The following CPNE5 variants were observed in gnomAD, a reference collection of about 807,000 sequenced individuals.
CPNE5 encodes the protein copine-5.
CPNE5 carries 42 observed loss-of-function variants against 81.1 expected under a neutral mutation model. The observed-to-expected ratio is 0.52, with a 90% confidence interval of 0.40 to 0.67. The LOEUF (loss-of-function observed/expected upper bound fraction) is 0.67, where lower values mean the gene tolerates loss of function less well. Ranked by LOEUF, CPNE5 falls within the 30% of genes least tolerant of loss-of-function variation. The pLI, the probability that CPNE5 is intolerant of heterozygous loss-of-function variation, is 0.00. For synonymous variants in CPNE5, 313 were observed against 321.5 expected (o/e 0.97, Z 0.28); for missense variants, 612 against 815.5 (o/e 0.75, Z 3.04).
At chr6:36,800,840 G>T (rs1272897303) in intron 3 of CPNE5, among the ~76,000 whole-genome samples, 2 of 152,252 alleles carry the variant, frequency 1.3e-5, no homozygotes, top group Non-Finnish European at 2.9e-5. Flanking sequence ...GGCAAGGAAA[G>T]GATGAGGCCC....
At chr6:36,827,890 A>T (rs1249920168) in intron 1 of CPNE5, 3 of 309,846 alleles carry the variant, frequency 9.7e-6, no homozygotes, top group African/African-American at 6.8e-5. Context: ...TTTTTCTAAA[A>T]GAGCATACAA....
intron 10 of CPNE5, among the ~76,000 whole-genome samples, chr6:36,771,986 T>G (rs111737090): frequency 0.027 from 4,168 of 151,716 alleles, 180 homozygotes; most frequent in African/African-American, 0.092. Context: ...TGCCTCAGAG[T>G]GGGAGGTGGG....
chr6:36,754,497 G>A (rs1272914272), intron 13 of CPNE5: 3 of 152,250 alleles, frequency 2.0e-5, no homozygotes, highest in Admixed American at 2.0e-4. Context: ...AGTAAGGGAT[G>A]AAAAGCACTA....
At chr6:36,830,360 A>G (rs1021536866) in intron 1 of CPNE5, among the ~76,000 whole-genome samples, 2 of 152,130 alleles carry the variant, frequency 1.3e-5, no homozygotes, top group African/African-American at 4.8e-5. Context: ...AGGGTTTCCC[A>G]TGTCCTCCTG....
At chr6:36,816,108 T>C (rs1771524301) in intron 3 of CPNE5, among the ~76,000 whole-genome samples, 1 of 152,202 alleles carries the variant, frequency 6.6e-6, no homozygotes, top group South Asian at 2.1e-4. Context: ...CCCCATTTTA[T>C]AGATTAGTAA....
At chr6:36,787,238 TG>T in intron 8 of CPNE5, among the ~76,000 whole-genome samples, 1 of 152,290 alleles carries the variant, frequency 6.6e-6, no homozygotes, top group East Asian at 1.9e-4. Context: ...GGCCTCTCCC[TG>T]AAGCTTATCT....
At chr6:36,825,954 G>A (rs1381392249) in intron 1 of CPNE5, among the ~76,000 whole-genome samples, 2 of 152,158 alleles carry the variant, frequency 1.3e-5, no homozygotes, top group African/African-American at 4.8e-5. Context: ...TGTTCAAGCT[G>A]GAGAGGACCT....
chr6:36,787,220 G>A (rs978996813), intron 8 of CPNE5, among the ~76,000 whole-genome samples: 1 of 152,064 alleles, frequency 6.6e-6, no homozygotes, highest in Non-Finnish European at 1.5e-5. Flanking sequence ...CTTTCAGGTA[G>A]AGAAACTGGC....
intron 5 of CPNE5, 94 bp downstream of exon 5, chr6:36,798,361 G>T: frequency 1.3e-6 from 2 of 1,510,192 alleles, no homozygotes; most frequent in Non-Finnish European, 1.8e-6. Flanking sequence ...CGCAGCGTCG[G>T]ACACACATTC....
intron 3 of CPNE5, among the ~76,000 whole-genome samples, chr6:36,817,064 G>A (rs1456147649): frequency 6.6e-6 from 1 of 152,156 alleles, no homozygotes; most frequent in African/African-American, 2.4e-5. Flanking sequence ...AGTGGCTCAC[G>A]CCTATAATCC....
chr6:36,752,916 C>T (rs1176070634), intron 14 of CPNE5, 118 bp downstream of exon 14: 9 of 788,120 alleles, frequency 1.1e-5, no homozygotes, highest in Non-Finnish European at 1.9e-5. Context: ...GAGCCCAGCA[C>T]CACAGCCTTC....
chr6:36,807,661 T>TA (rs997634744), intron 3 of CPNE5, among the ~76,000 whole-genome samples: 12 of 152,020 alleles, frequency 7.9e-5, no homozygotes, highest in African/African-American at 2.9e-4. Context: ...GTCCTCCATC[T>TA]AAAGGGGTCT....
In CPNE5 at chr6:36,839,160, C is replaced by A; in HGVS notation, c.95+123G>T. 2 of 657,924 alleles carry A rather than the reference C, an allele frequency of 3.0e-6. No individual in the cohort carries two copies. The highest frequency in any genetic ancestry group is 4.9e-6 in the Non-Finnish European group (2 of 408,678). The allele number at this position is 657,924 out of a possible 1,614,324, so 40.8% of individuals were successfully genotyped here. A position where few individuals can be genotyped will look rare whatever the true frequency, so the allele number is the denominator to read the frequency against. ...GGCTCTTGGCAGATCGGCAGGGGCG[C>A]AGTCCTGGAGACCAGGACACTCTGG... is the stretch of plus-strand genomic sequence containing the variant. On this transcript the variant is annotated intron_variant, in intron 1 of 20. Transcript: ENST00000244751. The surrounding 1 kb of genome is among the most constrained non-coding windows in gnomAD (Gnocchi z 7.3).
At chr6:36,814,171 G>A (rs751037390) in intron 3 of CPNE5, among the ~76,000 whole-genome samples, 2 of 152,060 alleles carry the variant, frequency 1.3e-5, no homozygotes, top group Non-Finnish European at 1.5e-5. Flanking sequence ...GTGGCTGAAC[G>A]GCCTACCCCA....
At chr6:36,795,689 G>A (rs1045048004) in intron 6 of CPNE5, among the ~76,000 whole-genome samples, 26 of 152,262 alleles carry the variant, frequency 1.7e-4, no homozygotes, top group African/African-American at 5.3e-4. Flanking sequence ...ACGTCTAGCC[G>A]CCAGAATTGT....
chr6:36,750,811 C>T (rs756728713), intron 14 of CPNE5, among the ~76,000 whole-genome samples: 2 of 152,234 alleles, frequency 1.3e-5, no homozygotes, highest in Non-Finnish European at 2.9e-5. Flanking sequence ...TGGACTGGCT[C>T]TTCCAAATAC....
intron 1 of CPNE5, among the ~76,000 whole-genome samples, chr6:36,823,937 A>T (rs1772279725): frequency 6.6e-6 from 1 of 152,174 alleles, no homozygotes; most frequent in South Asian, 2.1e-4. Context: ...CATCCTGCAC[A>T]TCTGGTATCC....
At chr6:36,816,351 G>A (rs1771540833) in intron 3 of CPNE5, among the ~76,000 whole-genome samples, 1 of 152,218 alleles carries the variant, frequency 6.6e-6, no homozygotes, top group Non-Finnish European at 1.5e-5. Context: ...TTTAGGTGCT[G>A]GGAAGATGGA....
At chr6:36,834,485 G>A (rs1434338274) in intron 1 of CPNE5, among the ~76,000 whole-genome samples, 6 of 151,572 alleles carry the variant, frequency 4.0e-5, no homozygotes, top group African/African-American at 9.7e-5. Context: ...GTGAAACCCC[G>A]TCTCCAGTAA....
Sources: allele counts gnomAD v4.1 joint callset (sites outside exome capture counted in the v4.1 genomes callset), GRCh38; gene constraint gnomAD v4.1.1; non-coding constraint Gnocchi (gnomAD v3.1); transcripts MANE v1.5; gene names NCBI Gene and HGNC (gene_info 2026-07-23, HGNC 2026-07-21).